Variants in NSF observed in about 807,000 individuals in gnomAD.
NSF encodes vesicle-fusing ATPase.
A neutral mutation model predicts 50.3 loss-of-function variants in NSF; 14 were observed. The ratio of observed to expected loss-of-function variants is 0.28; its 90% CI spans 0.18 to 0.44. NSF has a LOEUF of 0.44. NSF is among the 20% of genes least tolerant of loss of function. The pLI, the probability that NSF is intolerant of heterozygous loss-of-function variation, is 1.00. For synonymous variants in NSF, 109 were observed against 175.7 expected, an observed-to-expected ratio of 0.62 and a Z score of 3.00; for missense variants, 218 against 504.3, an observed-to-expected ratio of 0.43 and a Z score of 5.44.
intron 9 of NSF, among the ~76,000 whole-genome samples, chr17:46,691,364 CTGAG>C (rs1568032742): frequency 9.7e-6 from 1 of 103,124 alleles, no homozygotes; most frequent in African/African-American, 4.1e-5. Flanking sequence ...GGAGGCTGCG[CTGAG>C]TGAATCACCT....
intron 4 of NSF, among the ~76,000 whole-genome samples, chr17:46,630,932 T>C (rs2058128681): frequency 7.3e-6 from 1 of 137,510 alleles, no homozygotes; most frequent in Admixed American, 7.5e-5. Context: ...AAAAATTGTA[T>C]TTATAGAAAG....
chr17:46,714,843 G>A (rs1239746202), intron 15 of NSF, among the ~76,000 whole-genome samples: 2 of 152,180 alleles, frequency 1.3e-5, no homozygotes, highest in Non-Finnish European at 2.9e-5. Context: ...TCCAAGAGAT[G>A]TGGGAAAATC....
At chr17:46,717,465 C>A (rs1432108307) in intron 15 of NSF, among the ~76,000 whole-genome samples, 8 of 152,158 alleles carry the variant, frequency 5.3e-5, no homozygotes, top group Non-Finnish European at 1.0e-4. Context: ...GTAATCCCAG[C>A]ACTTTGGGAG....
At chr17:46,738,312 T>G (rs2059031532) in intron 17 of NSF, among the ~76,000 whole-genome samples, 1 of 152,212 alleles carries the variant, frequency 6.6e-6, no homozygotes, top group Non-Finnish European at 1.5e-5. Context: ...AGGCTTCATA[T>G]GGCATAGTTT....
At chr17:46,746,305 GT>G (rs1208281177) in intron 17 of NSF, among the ~76,000 whole-genome samples, 3 of 152,116 alleles carry the variant, frequency 2.0e-5, no homozygotes, top group Non-Finnish European at 4.4e-5. Flanking sequence ...ATGGCTAATT[GT>G]ACCAGAGGGT....
rs1228587010 is a variant in NSF at position 46,661,488 on chromosome 17, CT to C, written c.746-12925del. Among the ~76,000 whole-genome samples the C allele has an allele frequency of 5.2e-5, 4 of 77,456 alleles. No homozygotes were observed. In the Admixed American group the frequency reaches 6.1e-4, roughly 12 times the overall value. The allele number at this position is 77,456 out of a possible 152,430, so 50.8% of individuals were successfully genotyped here. A position where few individuals can be genotyped will look rare whatever the true frequency, so the allele number is the denominator to read the frequency against. ...TTGGCTCACCGCAACCTCTGCCCCC[CT>C]GGTTCAAGAGATTCTCCTGCCTCAG... On this transcript the variant is annotated intron_variant, in intron 8 of 20. Transcript: ENST00000398238.
Position 46,671,889 on chromosome 17 carries a change from A to AT in NSF, c.746-2515dup, listed in dbSNP as rs147934967. 1.6e-3 allele frequency among the ~76,000 whole-genome samples: 234 copies of AT among 141,846 alleles called. 9 individuals are homozygous for AT. Among genetic ancestry groups the AT allele is most frequent in the East Asian group, 0.013 (68 of 5,172 alleles). The allele number at this position is 141,846 out of a possible 152,430, so 93.1% of individuals were successfully genotyped here. ...CGGAAAGTCTCAGTCTTGCAAATGT[A>AT]TTTTTTTTTTAAGTATTTAAATTAG... On this transcript the variant is annotated intron_variant, in intron 8 of 20. Coordinates refer to ENST00000398238, the MANE Select transcript of NSF (RefSeq NM_006178.4).
chr17:46,744,283 T>C (rs892321988), intron 17 of NSF, among the ~76,000 whole-genome samples: 7 of 152,262 alleles, frequency 4.6e-5, no homozygotes, highest in Non-Finnish European at 1.5e-5. Context: ...GTCTATTTCA[T>C]ATTTTACTTA....
intron 17 of NSF, among the ~76,000 whole-genome samples, chr17:46,739,570 G>A (rs1183420789): frequency 6.6e-6 from 1 of 151,768 alleles, no homozygotes; most frequent in African/African-American, 2.4e-5. Flanking sequence ...AAACTGGGCT[G>A]CAGTGAGAGC....
intron 14 of NSF, among the ~76,000 whole-genome samples, chr17:46,712,319 T>C (rs117208983): frequency 6.6e-6 from 1 of 152,362 alleles, no homozygotes; most frequent in East Asian, 1.9e-4. Context: ...GCACATATTA[T>C]CTATTTAAAC....
intron 16 of NSF, among the ~76,000 whole-genome samples, chr17:46,727,992 TTC>T (rs1043546206): frequency 1.3e-5 from 2 of 152,138 alleles, no homozygotes; most frequent in African/African-American, 4.8e-5. Context: ...ATTTTGGATA[TTC>T]TGTTTTTTTT....
At chr17:46,708,464 A>G (rs2058678616) in intron 13 of NSF, among the ~76,000 whole-genome samples, 1 of 142,136 alleles carries the variant, frequency 7.0e-6, no homozygotes, top group South Asian at 2.3e-4. Flanking sequence ...ATCTTTTCAT[A>G]TGCTTATCAA....
At chr17:46,751,765 T>C (rs2059183920) in intron 19 of NSF, 149 bp downstream of exon 19, 1 of 526,462 alleles carries the variant, frequency 1.9e-6, no homozygotes, top group South Asian at 3.5e-5. Flanking sequence ...ATTAGTAGCC[T>C]GCTTCTGAGA....
At chr17:46,595,428 A>G (rs1312882414) in intron 1 of NSF, among the ~76,000 whole-genome samples, 6 of 81,766 alleles carry the variant, frequency 7.3e-5, no homozygotes, top group Admixed American at 1.4e-4. Flanking sequence ...CATGAGTCCA[A>G]TGTATTAAGT....
chr17:46,729,039 T>C, intron 17 of NSF, 105 bp downstream of exon 17: 3 of 721,742 alleles, frequency 4.2e-6, no homozygotes, highest in Non-Finnish European at 6.6e-6. Context: ...AACATAAAAT[T>C]CTGTTGTTGA....
intron 14 of NSF, 147 bp downstream of exon 14, chr17:46,711,266 C>A: frequency 1.3e-6 from 1 of 746,574 alleles, no homozygotes; most frequent in Non-Finnish European, 2.0e-6. Flanking sequence ...ATCTATGTAC[C>A]AATATTGTGT....
rs141856616 is a variant in NSF, at chr17:46,693,516, GA to G, written c.1112-317del. On this transcript the variant is annotated intron_variant, in intron 10 of 20. Coordinates refer to ENST00000398238, the MANE Select transcript of NSF (RefSeq NM_006178.4). ...GTGCTTCTGAAGATGACTTCTGGGG[GA>G]AAAAAAAAAAAAACACCCTGCTGTT... Among the ~76,000 whole-genome samples the G allele has an allele frequency of 7.6e-3, 1,068 of 140,348 alleles. 13 individuals carry two copies. Among genetic ancestry groups the G allele is most frequent in the Middle Eastern group, 0.018 (5 of 272 alleles). 92.1% of individuals were successfully genotyped at this position (140,348 alleles called of 152,430 possible).
chr17:46,633,076 A>G (rs2058148407), intron 4 of NSF, among the ~76,000 whole-genome samples: 1 of 118,650 alleles, frequency 8.4e-6, no homozygotes, highest in African/African-American at 3.2e-5. Flanking sequence ...AGGTTCAAGC[A>G]ATTCTCCTGC....
intron 9 of NSF, among the ~76,000 whole-genome samples, chr17:46,690,536 C>T (rs2058536477): frequency 1.3e-5 from 1 of 77,302 alleles, no homozygotes; most frequent in Non-Finnish European, 2.4e-5. Context: ...GGCGTGAACC[C>T]GGGAGGCGGA....
Sources: allele counts gnomAD v4.1 joint callset (sites outside exome capture counted in the v4.1 genomes callset), GRCh38; gene constraint gnomAD v4.1.1; transcripts MANE v1.5; gene names NCBI Gene and HGNC (gene_info 2026-07-23, HGNC 2026-07-21).